The following STAT4 variants were observed in gnomAD, a reference collection of about 807,000 sequenced individuals.
STAT4 encodes the protein signal transducer and activator of transcription 4.
In STAT4, 42 loss-of-function variants were observed where a neutral mutation model predicts 110.5. That is an observed-to-expected ratio of 0.38 (90% CI 0.30 to 0.49). The LOEUF (loss-of-function observed/expected upper bound fraction) is 0.49, where lower values mean the gene tolerates loss of function less well. Ranked by LOEUF, STAT4 falls within the 20% of genes least tolerant of loss-of-function variation. The probability of loss-of-function intolerance (pLI) is 0.95; values close to 1 mark genes in which losing one functional copy is unlikely to be tolerated. For synonymous variants in STAT4, 284 were observed against 302.2 expected (o/e 0.94, Z 0.63); for missense variants, 632 against 887.9 (o/e 0.71, Z 3.66).
rs3024864 is a variant in STAT4 at position 191,058,945 on chromosome 2, A to G, written c.1035-176T>C. On this transcript the variant is annotated intron_variant, in intron 10 of 23. Transcript: ENST00000392320. This position sits in a 1 kb window ranked among gnomAD's most constrained non-coding sequence, Gnocchi z 4.3. ...ATGTATAATGCCTCTTTAGTTTGCC[A>G]TGTAACTAATGTTGACATCAGTCAC... Among the ~76,000 whole-genome samples, 1,023 of 152,314 alleles carry G rather than the reference A, an allele frequency of 6.7e-3. 9 individuals are homozygous for G. Among genetic ancestry groups the G allele is most frequent in the East Asian group, 0.032 (165 of 5,188 alleles).
chr2:191,142,669 C>A lies in STAT4; in HGVS notation c.273+3944G>T, dbSNP rs1237601406. Among the ~76,000 whole-genome samples, 3 of 152,104 alleles carry A rather than the reference C, an allele frequency of 2.0e-5. No individual in the cohort carries two copies. The highest frequency in any genetic ancestry group is 7.2e-5 in the African/African-American group (3 of 41,402). ...ATGATGAATAATCCAAATACCCTGA[C>A]TTAATCATTACACATTCTATGCATG... On this transcript the variant is annotated intron_variant, in intron 3 of 23. Transcript: ENST00000392320. The surrounding 1 kb of genome is among the most constrained non-coding windows in gnomAD (Gnocchi z 4.1).
Position 191,062,653 on chromosome 2 carries a change from G to T in STAT4, c.941+109C>A. The T allele has an allele frequency of 1.7e-6, 2 of 1,201,574 alleles. No individual in the cohort carries two copies. The highest frequency in any genetic ancestry group is 2.4e-6 in the Non-Finnish European group (2 of 844,340). 74.4% of individuals were successfully genotyped at this position (1,201,574 alleles called of 1,614,324 possible). On this transcript the variant is annotated intron_variant, in intron 9 of 23. Transcript: ENST00000392320. This position sits in a 1 kb window ranked among gnomAD's most constrained non-coding sequence, Gnocchi z 4.9. Reference sequence around the variant, plus strand: ...GGGGTTCTATTCACTTCTCCCTGAGGCTCGTTGTTGAATACTTCCCTGCCA... The same window carrying T: ...GGGGTTCTATTCACTTCTCCCTGAGTCTCGTTGTTGAATACTTCCCTGCCA...
At chr2:191,121,114 T>C (rs1159476335) in intron 3 of STAT4, among the ~76,000 whole-genome samples, 1 of 152,084 alleles carries the variant, frequency 6.6e-6, no homozygotes, top group Non-Finnish European at 1.5e-5. Context: ...GGGCGAAGGA[T>C]ATGAACAGAC....
rs1698391755 is a variant in STAT4 at position 191,110,353 on chromosome 2, G to A, written c.274-34028C>T. Among the ~76,000 whole-genome samples the A allele has an allele frequency of 6.6e-6, 1 of 152,198 alleles. No homozygotes were observed. Among genetic ancestry groups the A allele is most frequent in the Non-Finnish European group, 1.5e-5 (1 of 68,034 alleles). The stretch of plus-strand genomic sequence containing the variant: ...AGTCTTCAAAATAAGGGACATGGGA[G>A]GAGCTAGCACTGGGGAATAACATTT... On this transcript the variant is annotated intron_variant, in intron 3 of 23. Transcript: ENST00000392320. The surrounding 1 kb of genome is among the most constrained non-coding windows in gnomAD (Gnocchi z 4.5).
intron 18 of STAT4, 46 bp downstream of exon 18, chr2:191,034,502 G>GT (rs1228755054): frequency 3.5e-6 from 5 of 1,429,660 alleles, no homozygotes; most frequent in Admixed American, 1.7e-5. Flanking sequence ...AAGGAACATT[G>GT]TATTAAAAAA....
rs1696776160 is a variant in STAT4 at position 191,058,859 on chromosome 2, T to C, written c.1035-90A>G. The stretch of plus-strand genomic sequence containing the variant: ...TATATTTAAACATTTAAATATACTA[T>C]GAAATATGCATATAAATAAACCTTA... On this transcript the variant is annotated intron_variant, in intron 10 of 23. Transcript: ENST00000392320. The surrounding 1 kb of genome is among the most constrained non-coding windows in gnomAD (Gnocchi z 4.3). 8.4e-6 allele frequency: 6 copies of C among 712,956 alleles called. No individual in the cohort carries two copies. Among genetic ancestry groups the C allele is most frequent in the Admixed American group, 2.8e-5 (1 of 35,338 alleles). 44.2% of individuals were successfully genotyped at this position (712,956 alleles called of 1,614,324 possible).
intron 7 of STAT4, among the ~76,000 whole-genome samples, chr2:191,065,352 C>T (rs1034385046): frequency 1.3e-5 from 2 of 151,900 alleles, no homozygotes; most frequent in Non-Finnish European, 2.9e-5. Flanking sequence ...AAAATTTGAG[C>T]CTTTCTGTGT....
chr2:191,052,557 G>A (rs1482853050), intron 14 of STAT4, among the ~76,000 whole-genome samples: 2 of 152,174 alleles, frequency 1.3e-5, no homozygotes, highest in African/African-American at 2.4e-5. Flanking sequence ...CTAGATTTCC[G>A]TCTCTAGGGA....
intron 14 of STAT4, among the ~76,000 whole-genome samples, 163 bp from the exon 15 acceptor site, chr2:191,041,311 A>G (rs937372827): frequency 1.3e-5 from 2 of 152,134 alleles, no homozygotes; most frequent in African/African-American, 4.8e-5. Context: ...TTTAAAAGTT[A>G]TATACAGTTT....
intron 3 of STAT4, among the ~76,000 whole-genome samples, chr2:191,122,412 A>T (rs1178956608): frequency 6.6e-6 from 1 of 152,132 alleles, no homozygotes; most frequent in East Asian, 1.9e-4. Context: ...GACAGTGTTA[A>T]TTACCACAAC....
chr2:191,034,722 T>C (rs1695997962), intron 17 of STAT4, 125 bp from the exon 18 acceptor site: 2 of 713,886 alleles, frequency 2.8e-6, no homozygotes, highest in South Asian at 1.5e-5. Flanking sequence ...GGGTTTGCAA[T>C]GTACTGAGTG....
intron 4 of STAT4, 35 bp from the exon 5 acceptor site, chr2:191,073,225 T>G: frequency 1.3e-6 from 2 of 1,591,008 alleles, no homozygotes; most frequent in Non-Finnish European, 1.7e-6. Flanking sequence ...TCTCTGGTTT[T>G]GAAAAGGTTT....
intron 5 of STAT4, 149 bp downstream of exon 5, chr2:191,072,949 T>C (rs1358837284): frequency 1.2e-5 from 6 of 516,188 alleles, no homozygotes; most frequent in Admixed American, 3.5e-5. Flanking sequence ...AATATTCTTA[T>C]ATAAACATAG....
rs567352368 is a variant in STAT4 at position 191,113,537 on chromosome 2, C to T, written c.273+33076G>A. 4.6e-5 allele frequency among the ~76,000 whole-genome samples: 7 copies of T among 152,232 alleles called. No homozygotes were observed. In the South Asian group the frequency reaches 8.3e-4, roughly 18 times the overall value. The stretch of plus-strand genomic sequence containing the variant: ...ACAAGGTAGTCAAACTTGAAGAAGG[C>T]TGAATTGGTTTAAGAGATTCAAGGA... On this transcript the variant is annotated intron_variant, in intron 3 of 23. Transcript: ENST00000392320. This position sits in a 1 kb window ranked among gnomAD's most constrained non-coding sequence, Gnocchi z 4.8.
In STAT4 at chr2:191,059,143, CTCA is replaced by C. The variant is rs1405410774; in HGVS notation, c.1035-377_1035-375del. On this transcript the variant is annotated intron_variant, in intron 10 of 23. Transcript: ENST00000392320. The surrounding 1 kb of genome is among the most constrained non-coding windows in gnomAD (Gnocchi z 4.7). ...AATTCTTATATGGCTTCATTTTATC[CTCA>C]TATTACAAAAAAGCACTTTGTGAGC... 6.6e-6 allele frequency among the ~76,000 whole-genome samples: 1 copy of C among 151,844 alleles called. No individual in the cohort carries two copies. Among genetic ancestry groups the C allele is most frequent in the Non-Finnish European group, 1.5e-5 (1 of 67,972 alleles).
Position 191,039,247 on chromosome 2 carries a change from A to T in STAT4, c.1386T>A (p.Asn462Lys). ...TGTACCAAATGATGGATGCCCAAGC[A>T]TTAGGTAACTGACTGACATTGGAAA... is the stretch of plus-strand genomic sequence containing the variant. ...VMISNVSQLP[N>K]AWASIIWYNV... The change falls in exon 16 of 24, where the codon AAT becomes AAA. Residue 462 changes from asparagine to lysine, a missense_variant. This residue lies in a region of STAT4 where 488 missense variants were observed against 632.8 expected (regional missense o/e 0.77). Coordinates refer to ENST00000392320, the MANE Select transcript of STAT4 (RefSeq NM_003151.4). This position sits in a 1 kb window ranked among gnomAD's most constrained non-coding sequence, Gnocchi z 4.7. The T allele has an allele frequency of 6.2e-7, 1 of 1,614,246 alleles. No individual in the cohort carries two copies. The highest frequency in any genetic ancestry group is 8.5e-7 in the Non-Finnish European group (1 of 1,180,030).
Position 191,112,894 on chromosome 2 carries a change from T to C in STAT4, c.273+33719A>G, listed in dbSNP as rs935786152. ...GAATTAAACATACAACGTTCAGTCC[T>C]ATAATAGAGCAAATATATTAAGAAA... On this transcript the variant is annotated intron_variant, in intron 3 of 23. Coordinates refer to ENST00000392320, the MANE Select transcript of STAT4 (RefSeq NM_003151.4). This position sits in a 1 kb window ranked among gnomAD's most constrained non-coding sequence, Gnocchi z 4.3. Among the ~76,000 whole-genome samples the C allele has an allele frequency of 5.3e-5, 8 of 152,350 alleles. No individual in the cohort carries two copies. Among genetic ancestry groups the C allele is most frequent in the African/African-American group, 1.9e-4 (8 of 41,588 alleles).
At chr2:191,120,196 C>T (rs1038404783) in intron 3 of STAT4, among the ~76,000 whole-genome samples, 13 of 151,820 alleles carry the variant, frequency 8.6e-5, no homozygotes, top group African/African-American at 3.1e-4. Flanking sequence ...AAAATTGAGC[C>T]TCAATTAAAA....
chr2:191,129,585 A>T (rs1489456348), intron 3 of STAT4, among the ~76,000 whole-genome samples: 1 of 152,218 alleles, frequency 6.6e-6, no homozygotes, highest in African/African-American at 2.4e-5. Context: ...AAAGACTTTA[A>T]CATGTCACTT....
Sources: gnomAD v4.1 joint callset for allele counts (sites outside exome capture counted in the v4.1 genomes callset) on GRCh38, gnomAD v4.1.1 for gene constraint, gnomAD v4.1.1 regional missense constraint, Gnocchi (gnomAD v3.1) non-coding constraint, MANE v1.5 for transcripts, NCBI Gene and HGNC (gene_info 2026-07-23, HGNC 2026-07-21) for gene names.